Variants in SDK2 observed in about 807,000 individuals in gnomAD.
The protein encoded by SDK2 is sidekick cell adhesion molecule 2.
A neutral mutation model predicts 253.9 loss-of-function variants in SDK2; 105 were observed. That is an observed-to-expected ratio of 0.41 (90% confidence interval 0.35 to 0.49). The LOEUF is 0.49. Among genes scored for constraint, SDK2 ranks in the 20% least tolerant of loss-of-function variants. SDK2 has a pLI of 0.06. For missense variants in SDK2, 2,608 were observed against 3,003.0 expected, an observed-to-expected ratio of 0.87 and a Z score of 3.07; for synonymous variants, 1,249 against 1,234.9, an observed-to-expected ratio of 1.01 and a Z score of -0.24.
chr17:73,595,800 C>T (rs1385598562), intron 1 of SDK2, among the ~76,000 whole-genome samples: 1 of 152,196 alleles, frequency 6.6e-6, no homozygotes, highest in Non-Finnish European at 1.5e-5. Context: ...AAGGGCCTAT[C>T]CTCCCTAGAA....
intron 1 of SDK2, among the ~76,000 whole-genome samples, chr17:73,536,563 T>C (rs974736764): frequency 1.2e-4 from 18 of 152,206 alleles, no homozygotes; most frequent in African/African-American, 3.6e-4. Context: ...AGGGGAGAGC[T>C]GACCAGGGGG....
intron 15 of SDK2, among the ~76,000 whole-genome samples, chr17:73,420,032 G>A (rs2063216628): frequency 6.6e-6 from 1 of 152,196 alleles, no homozygotes; most frequent in Non-Finnish European, 1.5e-5. Context: ...CATCCCACTG[G>A]TCAGCTGCTG....
Position 73,534,300 on chromosome 17 carries a change from T to G in SDK2, c.65-26703A>C, listed in dbSNP as rs1391536669. Among the ~76,000 whole-genome samples the G allele has an allele frequency of 1.3e-5, 2 of 151,144 alleles. No individual in the cohort carries two copies. Among genetic ancestry groups the G allele is most frequent in the Non-Finnish European group, 1.5e-5 (1 of 67,860 alleles). ...GGGTCCGCTGCTGGGGGAAGGGGAG[T>G]GGCATTAAATAGCTGGCGGCAGGGA... On this transcript the variant is annotated intron_variant, in intron 1 of 44. Coordinates refer to ENST00000392650, the MANE Select transcript of SDK2 (RefSeq NM_001144952.2). The surrounding 1 kb of genome is among the most constrained non-coding windows in gnomAD (Gnocchi z 4.9).
At chr17:73,520,018 T>A (rs1281487581) in intron 1 of SDK2, 1 of 152,226 alleles carries the variant, frequency 6.6e-6, no homozygotes, top group East Asian at 1.9e-4. Flanking sequence ...CTGTGCTTTA[T>A]CATAAATAAT....
intron 1 of SDK2, among the ~76,000 whole-genome samples, chr17:73,577,813 G>A (rs1170826270): frequency 1.3e-5 from 2 of 152,140 alleles, no homozygotes; most frequent in Non-Finnish European, 2.9e-5. Context: ...CTGATCCCTG[G>A]AACCTGTGAA....
At chr17:73,456,145 G>T in intron 3 of SDK2, 92 bp from the exon 4 acceptor site, 1 of 1,359,190 alleles carries the variant, frequency 7.4e-7, no homozygotes, top group Non-Finnish European at 9.6e-7. Context: ...GCTATGGACG[G>T]AAAATTCGGG....
chr17:73,384,547 G>A (rs981435786), intron 32 of SDK2, among the ~76,000 whole-genome samples: 2 of 152,212 alleles, frequency 1.3e-5, no homozygotes, highest in African/African-American at 4.8e-5. Context: ...CCCGTCTACA[G>A]CTTAGCTGCA....
intron 1 of SDK2, among the ~76,000 whole-genome samples, chr17:73,607,658 G>T (rs1311277849): frequency 2.0e-5 from 3 of 152,000 alleles, no homozygotes; most frequent in African/African-American, 7.3e-5. Context: ...AGCCAGATCT[G>T]CACACCCCAA....
At chr17:73,412,258 A>G (rs1191577744) in intron 18 of SDK2, among the ~76,000 whole-genome samples, 2 of 149,900 alleles carry the variant, frequency 1.3e-5, no homozygotes, top group Non-Finnish European at 3.0e-5. Context: ...GAACATATAC[A>G]TATACATATA....
chr17:73,350,465 C>A, intron 42 of SDK2, 90 bp from the exon 43 acceptor site: 1 of 1,509,764 alleles, frequency 6.6e-7, no homozygotes, highest in South Asian at 1.3e-5. Flanking sequence ...TCCCCTCTTT[C>A]TCTTGGTAGA....
At chr17:73,548,496 G>A (rs2045003111) in intron 1 of SDK2, among the ~76,000 whole-genome samples, 2 of 152,228 alleles carry the variant, frequency 1.3e-5, no homozygotes, top group East Asian at 1.9e-4. Flanking sequence ...CTCCTGGGGT[G>A]GGGGACAGAT....
chr17:73,412,071 TA>T lies in SDK2; in HGVS notation c.2484+2572del, dbSNP rs1409689796. Among the ~76,000 whole-genome samples the T allele has an allele frequency of 2.5e-4, 27 of 106,456 alleles. No individual in the cohort carries two copies. The South Asian group carries it at 4.4e-3, about 17-fold the overall frequency. The allele number at this position is 106,456 out of a possible 152,430, so 69.8% of individuals were successfully genotyped here. A position where few individuals can be genotyped will look rare whatever the true frequency, so the allele number is the denominator to read the frequency against. On this transcript the variant is annotated intron_variant, in intron 18 of 44. Coordinates refer to ENST00000392650, the MANE Select transcript of SDK2 (RefSeq NM_001144952.2). ...GTATATACGTATATGTATATATACG[TA>T]TATATGTATATGTATATATACGTAT... is the stretch of plus-strand genomic sequence containing the variant.
chr17:73,444,817 TG>T (rs1367694615), intron 5 of SDK2, among the ~76,000 whole-genome samples: 1 of 152,150 alleles, frequency 6.6e-6, no homozygotes, highest in Non-Finnish European at 1.5e-5. Flanking sequence ...TCCCCTCTCT[TG>T]GGCAGGCTTC....
intron 37 of SDK2, among the ~76,000 whole-genome samples, chr17:73,366,135 T>C (rs2062683078): frequency 6.6e-6 from 1 of 152,082 alleles, no homozygotes; most frequent in South Asian, 2.1e-4. Context: ...CTGGAGCTAA[T>C]CCGGACCTGC....
At chr17:73,576,369 G>T (rs1181312596) in intron 1 of SDK2, among the ~76,000 whole-genome samples, 1 of 152,070 alleles carries the variant, frequency 6.6e-6, no homozygotes, top group African/African-American at 2.4e-5. Context: ...GGATGAGAGG[G>T]GCGTCCCAAG....
rs2062639451 is a variant in SDK2, at chr17:73,361,478, T to G, written c.5467+206A>C. Among the ~76,000 whole-genome samples the G allele has an allele frequency of 6.6e-6, 1 of 151,728 alleles. No homozygotes were observed. The highest frequency in any genetic ancestry group is 6.6e-5 in the Admixed American group (1 of 15,256). ...GGGCGCTGCTCCAGGGTTTGTGGCT[T>G]GAGGAACCTGAGGACACATTAATCA... On this transcript the variant is annotated intron_variant, in intron 39 of 44. Transcript: ENST00000392650. The surrounding 1 kb of genome is among the most constrained non-coding windows in gnomAD (Gnocchi z 4.1).
At chr17:73,630,289 G>C (rs1255099935) in intron 1 of SDK2, among the ~76,000 whole-genome samples, 1 of 152,154 alleles carries the variant, frequency 6.6e-6, no homozygotes, top group African/African-American at 2.4e-5. Context: ...CAGAAGCTCT[G>C]GGAATGGGGC....
intron 44 of SDK2, among the ~76,000 whole-genome samples, chr17:73,347,977 C>T (rs534109619): frequency 2.0e-5 from 3 of 152,308 alleles, no homozygotes; most frequent in Non-Finnish European, 4.4e-5. Flanking sequence ...CGGACAGAGC[C>T]TAGTATCACC....
At position 73,487,708 on chromosome 17, in the gene SDK2, G is replaced by C. The variant is rs2063778157; in HGVS notation, c.225-15490C>G. Among the ~76,000 whole-genome samples the C allele has an allele frequency of 6.6e-5, 10 of 152,214 alleles. No homozygotes were observed. In the South Asian group the frequency reaches 2.1e-3, roughly 32 times the overall value. On this transcript the variant is annotated intron_variant, in intron 2 of 44. Transcript: ENST00000392650. ...TGCTCTGTGATGAGATGGAGCCACG[G>C]GTGTGAGGGAGATGGGAGGTCAGAA...
Sources: allele counts gnomAD v4.1 joint callset (sites outside exome capture counted in the v4.1 genomes callset), GRCh38; gene constraint gnomAD v4.1.1; non-coding constraint Gnocchi (gnomAD v3.1); transcripts MANE v1.5; gene names NCBI Gene and HGNC (gene_info 2026-07-23, HGNC 2026-07-21).